The following PRKG2 variants were observed in gnomAD, a reference collection of about 807,000 sequenced individuals.
The protein encoded by PRKG2 is cGMP-dependent protein kinase 2.
PRKG2 carries 33 observed loss-of-function variants against 97.2 expected under a neutral mutation model. The observed-to-expected ratio is 0.34, with a 90% CI of 0.26 to 0.45. The LOEUF is 0.45. Among genes scored for constraint, PRKG2 ranks in the 20% least tolerant of loss-of-function variants. The pLI, the probability that PRKG2 is intolerant of heterozygous loss-of-function variation, is 1.00. For synonymous variants in PRKG2, 330 were observed against 321.8 expected (o/e 1.03, Z -0.27); for missense variants, 638 against 900.0 (o/e 0.71, Z 3.73).
At chr4:81,199,377 G>A (rs561067480) in intron 2 of PRKG2, among the ~76,000 whole-genome samples, 8 of 152,138 alleles carry the variant, frequency 5.3e-5, no homozygotes, top group South Asian at 2.1e-4. Flanking sequence ...TTTTAAATAA[G>A]GCCTTCCAAT....
chr4:81,169,127 A>G lies in PRKG2; in HGVS notation c.848+536T>C, dbSNP rs115250108. Among the ~76,000 whole-genome samples, 600 of 152,140 alleles carry G rather than the reference A, an allele frequency of 3.9e-3. 1 individual carries two copies. Among genetic ancestry groups the G allele is most frequent in the African/African-American group, 0.013 (555 of 41,542 alleles). On this transcript the variant is annotated intron_variant, in intron 5 of 18. Transcript: ENST00000264399. ...GAGGTACAGAATAGTTCACAAAATG[A>G]GTGTGTTCCAAGTCCCTGTCATCAT... is the stretch of plus-strand genomic sequence containing the variant.
upstream of PRKG2, among the ~76,000 whole-genome samples, chr4:81,216,196 CTT>C (rs1385885935): frequency 2.0e-5 from 3 of 152,110 alleles, no homozygotes; most frequent in East Asian, 3.9e-4. Context: ...CATACATAAA[CTT>C]ATATTAAAAA....
rs1741361265 is a variant in PRKG2 at position 81,089,727 on chromosome 4, C to T, written c.2270G>A (p.Gly757Asp). ...CTTCTGTCAGAAGTCTTTATCCCAG[C>T]CTGATAGCTCATCTGGAGGCATTCC... Reference protein sequence around the residue: ...EKGMPPDELSGWDKDF With the variant: ...EKGMPPDELSDWDKDF Residue 757 changes from glycine (G) to aspartate (D), a missense_variant, in exon 19 of 19, where the codon GGC becomes GAC. By Grantham distance (94) the Gly-to-Asp change is moderately conservative. Around this residue, in one of 3 missense-constraint regions of PRKG2, gnomAD observed 304 missense variants for 460.5 expected, o/e 0.66. Coordinates refer to ENST00000264399, the MANE Select transcript of PRKG2 (RefSeq NM_006259.3). 1.2e-6 allele frequency: 2 copies of T among 1,611,486 alleles called. No homozygotes were observed. Among genetic ancestry groups the T allele is most frequent in the Non-Finnish European group, 8.5e-7 (1 of 1,177,698 alleles).
intron 12 of PRKG2, among the ~76,000 whole-genome samples, chr4:81,138,617 T>C (rs1262157242): frequency 6.6e-6 from 1 of 151,226 alleles, no homozygotes; most frequent in Non-Finnish European, 1.5e-5. Context: ...GAGATAAATG[T>C]GTTGATTATC....
chr4:81,204,183 T>A (rs1338166022), intron 2 of PRKG2, among the ~76,000 whole-genome samples: 1 of 152,064 alleles, frequency 6.6e-6, no homozygotes, highest in Admixed American at 6.5e-5. Context: ...CATGTTCCTT[T>A]TCCATGACAC....
intron 10 of PRKG2, among the ~76,000 whole-genome samples, chr4:81,143,510 T>A (rs369103285): frequency 6.6e-5 from 10 of 152,346 alleles, no homozygotes; most frequent in East Asian, 3.9e-4. Context: ...CTAAGTAATA[T>A]CCATTTTTTT....
At chr4:81,164,995 C>T (rs368693912) in intron 6 of PRKG2, 26 of 152,278 alleles carry the variant, frequency 1.7e-4, no homozygotes, top group African/African-American at 6.0e-4. Context: ...TGCATAACTG[C>T]CAGGTACGTA....
intron 9 of PRKG2, among the ~76,000 whole-genome samples, chr4:81,144,610 A>ATTT (rs780598203): frequency 9.6e-4 from 135 of 140,060 alleles, no homozygotes; most frequent in South Asian, 7.1e-3. Flanking sequence ...ATATATATAT[A>ATTT]TTTTTTTTTT....
Position 81,142,780 on chromosome 4 carries a change from C to T in PRKG2, c.1407+14G>A, listed in dbSNP as rs775224665. ...AAAGGCTTCTCTCAGATGCTTGAAA[C>T]GTAAACCCCTTACAAGCTCAACTCT... On this transcript the variant is annotated intron_variant, in intron 11 of 18. Coordinates refer to ENST00000264399, the MANE Select transcript of PRKG2 (RefSeq NM_006259.3). 2.6e-6 allele frequency: 4 copies of T among 1,544,382 alleles called. No individual in the cohort carries two copies. The highest frequency in any genetic ancestry group is 1.4e-5 in the African/African-American group (1 of 73,252).
At chr4:81,101,681 C>T (rs893674562) in intron 17 of PRKG2, among the ~76,000 whole-genome samples, 19 of 148,168 alleles carry the variant, frequency 1.3e-4, no homozygotes, top group African/African-American at 4.8e-4. Context: ...CTAACATGCA[C>T]GTTGTGCACA....
intron 1 of PRKG2, among the ~76,000 whole-genome samples, chr4:81,211,904 G>A (rs755363802): frequency 3.3e-5 from 5 of 152,102 alleles, no homozygotes; most frequent in Non-Finnish European, 5.9e-5. Flanking sequence ...TCAGAGGAGT[G>A]AATTATACAG....
rs569008163 is a variant in PRKG2 at position 81,097,616 on chromosome 4, T to C, written c.2127-5164A>G. Among the ~76,000 whole-genome samples the C allele has an allele frequency of 5.3e-5, 8 of 152,320 alleles. No individual in the cohort carries two copies. In the South Asian group the frequency reaches 8.3e-4, roughly 16 times the overall value. On this transcript the variant is annotated intron_variant, in intron 17 of 18. Transcript: ENST00000264399. ...TCTTCTTTCAATGTAAGGCAATTTA[T>C]TCTTCACTGAAAATCTGTTGTTTAT...
upstream of PRKG2, among the ~76,000 whole-genome samples, chr4:81,215,404 A>T (rs750693377): frequency 2.0e-5 from 3 of 152,026 alleles, no homozygotes; most frequent in Non-Finnish European, 4.4e-5. Context: ...TATACCCCAT[A>T]CCCTCCATAG....
chr4:81,211,514 G>A (rs1011982288), intron 1 of PRKG2, among the ~76,000 whole-genome samples: 60 of 152,240 alleles, frequency 3.9e-4, no homozygotes, highest in African/African-American at 1.3e-3. Context: ...CCACATTATG[G>A]TATCTGAATC....
chr4:81,174,949 G>A lies in PRKG2; in HGVS notation c.472C>T (p.Leu158Phe). 2 of 1,607,178 alleles carry A rather than the reference G, an allele frequency of 1.2e-6. No individual in the cohort carries two copies. Among genetic ancestry groups the A allele is most frequent in the Non-Finnish European group, 1.7e-6 (2 of 1,176,198 alleles). ...TTTTTATTAAGGGCATCTGTAATGA[G>A]CTTCTTCTCACTGGTATAATGGAAA... Reference protein sequence around the residue: ...RVRKDSSEKKLITDALNKNQF... With the variant: ...RVRKDSSEKKFITDALNKNQF... The change falls in exon 3 of 19, where the codon CTC becomes TTC. Residue 158 changes from leucine to phenylalanine, a missense_variant. By Grantham distance (22) the Leu-to-Phe change is conservative. Transcript: ENST00000264399.
At chr4:81,172,946 CT>C (rs1157982916) in intron 3 of PRKG2, among the ~76,000 whole-genome samples, 1 of 152,066 alleles carries the variant, frequency 6.6e-6, no homozygotes. Flanking sequence ...GCTCCAAATC[CT>C]AGAGGTTAGA....
At position 81,169,723 on chromosome 4, in the gene PRKG2, TG is replaced by T; in HGVS notation, c.787del (p.Gln263ArgfsTer3). The T allele has an allele frequency of 6.2e-7, 1 of 1,610,464 alleles. No individual in the cohort carries two copies. Among genetic ancestry groups the T allele is most frequent in the Non-Finnish European group, 8.5e-7 (1 of 1,178,214 alleles). Reference sequence around the variant, plus strand: ...TTGGGCTGTCCTCCTCATTATATTCTGGAATACCTCTCGATCTAGTGCCCAT... The same window carrying T: ...TTGGGCTGTCCTCCTCATTATATTCTGAATACCTCTCGATCTAGTGCCCAT... ...KTWALDREVF[Q>X]NIMRRTAQAR... On this transcript the variant is annotated frameshift_variant, in exon 5 of 19. Coordinates refer to ENST00000264399, the MANE Select transcript of PRKG2 (RefSeq NM_006259.3). LOFTEE classifies it high-confidence loss of function.
intron 2 of PRKG2, among the ~76,000 whole-genome samples, chr4:81,177,560 G>T (rs139271387): frequency 6.3e-4 from 96 of 152,144 alleles, no homozygotes; most frequent in Middle Eastern, 6.8e-3. Flanking sequence ...AAAATTAGCC[G>T]GGCATGGTGG....
At chr4:81,141,008 T>TTTATTA (rs375541277) in intron 11 of PRKG2, among the ~76,000 whole-genome samples, 5,861 of 151,276 alleles carry the variant, frequency 0.039, 397 homozygotes, top group African/African-American at 0.13. Context: ...CAAAGCAAGA[T>TTTATTA]TTATTATTAT....
Sources: allele counts gnomAD v4.1 joint callset (sites outside exome capture counted in the v4.1 genomes callset), GRCh38; gene constraint gnomAD v4.1.1; regional missense constraint gnomAD v4.1.1; transcripts MANE v1.5; gene names NCBI Gene and HGNC (gene_info 2026-07-23, HGNC 2026-07-21).